CPSF4L: variants seen among roughly 807,000 people sequenced by gnomAD.
The protein encoded by CPSF4L is cleavage and polyadenylation specific factor 4 like.
In CPSF4L, 18 loss-of-function variants were observed where a neutral mutation model predicts 24.0. The ratio of observed to expected loss-of-function variants is 0.75; its 90% CI spans 0.52 to 1.11. CPSF4L has a LOEUF of 1.11. Among genes scored for constraint, CPSF4L ranks in the 50% least tolerant of loss-of-function variants. The probability of loss-of-function intolerance (pLI) is 0.00; values close to 1 mark genes in which losing one functional copy is unlikely to be tolerated. For missense variants in CPSF4L, 211 were observed against 221.8 expected, an observed-to-expected ratio of 0.95 and a Z score of 0.31; for synonymous variants, 72 against 77.2, an observed-to-expected ratio of 0.93 and a Z score of 0.35.
chr17:73,245,129 G>T (rs1205886190), downstream of CPSF4L: 6 of 1,601,706 alleles, frequency 3.7e-6, no homozygotes, highest in Non-Finnish European at 5.1e-6. Context: ...ATTGGAAGTG[G>T]CCTCTCGGAT....
At chr17:73,242,243 GT>G in the CPSF4L span, 4 of 1,573,472 alleles carry the variant, frequency 2.5e-6, no homozygotes, top group Non-Finnish European at 3.5e-6. Flanking sequence ...TGGAACCATA[GT>G]TTCTTTGTTG....
At chr17:73,247,475 T>C, downstream of CPSF4L, 1 of 791,854 alleles carries the variant, frequency 1.3e-6, no homozygotes, top group Non-Finnish European at 2.1e-6. Flanking sequence ...CCCTCAAGGT[T>C]ATCAGGAGCA....
the CPSF4L span, chr17:73,243,088 T>TGG: frequency 4.0e-6 from 4 of 997,726 alleles, no homozygotes; most frequent in Admixed American, 4.4e-5. Context: ...TTTTTTTTTT[T>TGG]TTTTTTTTTT....
At chr17:73,247,330 T>A (rs2061965667), downstream of CPSF4L, 1 of 1,613,532 alleles carries the variant, frequency 6.2e-7, no homozygotes, top group Admixed American at 1.7e-5. Flanking sequence ...CTCTAAAACA[T>A]GTTTGGATTA....
At chr17:73,243,085 T>TG in the CPSF4L span, 11 of 877,128 alleles carry the variant, frequency 1.3e-5, no homozygotes, top group African/African-American at 1.1e-4. Flanking sequence ...GAATTTTTTT[T>TG]TTTTTTTTTT....
downstream of CPSF4L, chr17:73,245,656 T>C (rs1953477313): frequency 8.1e-6 from 8 of 985,384 alleles, no homozygotes; most frequent in Non-Finnish European, 9.6e-6. Context: ...CTTAGTTTCT[T>C]TGGGGCCCTT....
At chr17:73,245,452 G>A, downstream of CPSF4L, 2 of 1,151,604 alleles carry the variant, frequency 1.7e-6, no homozygotes, top group Non-Finnish European at 2.1e-6. Flanking sequence ...AACTAGTTTT[G>A]TTTAACCATA....
At chr17:73,245,752 A>G (rs1049634167), downstream of CPSF4L, 2 of 980,334 alleles carry the variant, frequency 2.0e-6, no homozygotes, top group Non-Finnish European at 2.4e-6. Flanking sequence ...AAAGCTTACA[A>G]ATATTTTTAA....
At chr17:73,260,891 A>G in intron 2 of CPSF4L, 42 bp downstream of exon 2, 6 of 1,523,368 alleles carry the variant, frequency 3.9e-6, no homozygotes, top group Non-Finnish European at 5.3e-6. Context: ...GACAGACCCT[A>G]CACTCACCCA....
downstream of CPSF4L, chr17:73,247,533 G>A (rs142043506): frequency 2.9e-4 from 161 of 546,162 alleles, 1 homozygote; most frequent in African/African-American, 2.7e-3. Context: ...CATAATCAGG[G>A]TGCTGAAACA....
At chr17:73,242,337 G>T in the CPSF4L span, 1 of 1,587,452 alleles carries the variant, frequency 6.3e-7, no homozygotes. Flanking sequence ...AGGCTCTTGG[G>T]AGCTGTACAA....
intron 2 of CPSF4L, among the ~76,000 whole-genome samples, 175 bp downstream of exon 2, chr17:73,260,758 T>G (rs750313797): frequency 1.4e-4 from 21 of 151,900 alleles, no homozygotes; most frequent in Non-Finnish European, 2.9e-4. Flanking sequence ...CAGAGCGAGA[T>G]TCCATCTAAA....
chr17:73,254,948 G>A (rs1276676670), intron 3 of CPSF4L, among the ~76,000 whole-genome samples: 6 of 152,128 alleles, frequency 3.9e-5, no homozygotes, highest in Non-Finnish European at 8.8e-5. Flanking sequence ...GGACCCAGGT[G>A]TCATTTTAAG....
At chr17:73,245,031 A>G (rs889155738), downstream of CPSF4L, 4 of 759,752 alleles carry the variant, frequency 5.3e-6, no homozygotes, top group Admixed American at 2.7e-5. Context: ...AGAAAGTGAA[A>G]CAAACTTCTC....
intron 4 of CPSF4L, among the ~76,000 whole-genome samples, chr17:73,253,393 A>AC (rs1024737449): frequency 1.6e-4 from 25 of 152,230 alleles, no homozygotes; most frequent in Admixed American, 1.4e-3. Context: ...AGCAGCCCTC[A>AC]CCCCCGCCCA....
chr17:73,247,375 TTC>T, downstream of CPSF4L: 1 of 1,607,538 alleles, frequency 6.2e-7, no homozygotes, highest in Non-Finnish European at 8.5e-7. Context: ...CCTTCGTGAC[TTC>T]TCTCTAGTGC....
At chr17:73,250,037 G>A (rs947021389) in intron 5 of CPSF4L, 16 of 469,188 alleles carry the variant, frequency 3.4e-5, no homozygotes, top group Non-Finnish European at 4.9e-5. Context: ...TGGATAACTC[G>A]TTCCTGCCAA....
rs1416347324 is a variant in CPSF4L at position 73,261,754 on chromosome 17, T to C, written c.65A>G (p.Gln22Arg). 10 of 1,551,768 alleles carry C rather than the reference T, an allele frequency of 6.4e-6. No homozygotes were observed. The highest frequency in any genetic ancestry group is 2.4e-5 in the East Asian group (1 of 40,924). Residue 22 changes from glutamine to arginine, a missense_variant, in exon 1 of 6, where the codon CAG (glutamine) becomes CGG (arginine). By Grantham distance (43) the Gln-to-Arg change is conservative (BLOSUM62 1). Transcript: ENST00000344935. The stretch of plus-strand genomic sequence containing the variant: ...GAAAGGCAGGAGCCCAGTGCCCTTC[T>C]GCATCTCGACATCCTTCTCGAAGGC... ...TFAFEKDVEM[Q>R]KGTGLLPFQG...
Position 73,257,753 on chromosome 17 carries a change from C to G in CPSF4L, c.235G>C (p.Gly79Arg), listed in dbSNP as rs1298138623. ...KHWLRGLCKK[G>R]DHCKFLHQYD... ...TGGTGCAGGAACTTGCAGTGATCAC[C>G]CTTCTTGCAGAGCCCCCGGAGCCAG... is the stretch of plus-strand genomic sequence containing the variant. Residue 79 changes from glycine (G) to arginine (R), a missense_variant, in exon 3 of 6, where the codon GGT becomes CGT. Coordinates refer to ENST00000344935, the MANE Select transcript of CPSF4L (RefSeq NM_001129885.1). 1 of 1,551,660 alleles carries G rather than the reference C, an allele frequency of 6.4e-7. No homozygotes were observed. Among genetic ancestry groups the G allele is most frequent in the African/African-American group, 1.4e-5 (1 of 73,110 alleles).
Sources: gnomAD v4.1 joint callset for allele counts (sites outside exome capture counted in the v4.1 genomes callset) on GRCh38, gnomAD v4.1.1 for gene constraint, MANE v1.5 for transcripts, NCBI Gene and HGNC (gene_info 2026-07-23, HGNC 2026-07-21) for gene names.